The following HSPH1 variants were observed in gnomAD, a reference collection of about 807,000 sequenced individuals.
HSPH1 encodes the protein heat shock protein 105 kDa.
HSPH1 carries 40 observed loss-of-function variants against 100.0 expected under a neutral mutation model. The ratio of observed to expected loss-of-function variants is 0.40; its 90% CI spans 0.31 to 0.52. The LOEUF is 0.52. Ranked by LOEUF, HSPH1 falls within the 20% of genes least tolerant of loss-of-function variation. HSPH1 has a pLI of 0.54. For missense variants in HSPH1, 876 were observed against 1,015.1 expected (o/e 0.86, Z 1.86); for synonymous variants, 403 against 344.0 (o/e 1.17, Z -1.90).
chr13:31,150,650 C>T (rs1197331810), intron 7 of HSPH1, among the ~76,000 whole-genome samples: 1 of 152,172 alleles, frequency 6.6e-6, no homozygotes, highest in Non-Finnish European at 1.5e-5. Flanking sequence ...TGCACAGTAT[C>T]TCTGTGAAAC....
At chr13:31,141,573 C>A (rs767403354) in intron 12 of HSPH1, among the ~76,000 whole-genome samples, 4 of 151,976 alleles carry the variant, frequency 2.6e-5, no homozygotes, top group Non-Finnish European at 5.9e-5. Flanking sequence ...TCCCATGAGT[C>A]AAAAAGTGAA....
intron 1 of HSPH1, among the ~76,000 whole-genome samples, chr13:31,159,742 A>C (rs930835026): frequency 3.9e-5 from 6 of 152,160 alleles, no homozygotes; most frequent in African/African-American, 1.2e-4. Flanking sequence ...AAAACGGGAA[A>C]ATACTGAGGG....
chr13:31,161,170 C>T (rs1218454623), intron 1 of HSPH1, among the ~76,000 whole-genome samples: 1 of 152,152 alleles, frequency 6.6e-6, no homozygotes, highest in South Asian at 2.1e-4. Flanking sequence ...TGCCGCAGCC[C>T]GACCCCCAGT....
At chr13:31,152,013 C>T (rs867456749) in intron 5 of HSPH1, 13 of 326,302 alleles carry the variant, frequency 4.0e-5, no homozygotes, top group Middle Eastern at 8.9e-4. Context: ...AACATAACCA[C>T]GTATCACAGA....
chr13:31,161,925 C>A (rs1328501402), upstream of HSPH1: 11 of 1,522,306 alleles, frequency 7.2e-6, no homozygotes, highest in Non-Finnish European at 9.7e-6. Context: ...GTCCCACTTC[C>A]TCAGCCTTAT....
At chr13:31,147,913 TAA>T in intron 10 of HSPH1, 44 bp downstream of exon 10, 20 of 1,496,674 alleles carry the variant, frequency 1.3e-5, no homozygotes, top group Non-Finnish European at 1.8e-5. Context: ...AGTGAGAAGC[TAA>T]GTCTTTAACT....
chr13:31,150,832 G>GT (rs1389382077), intron 7 of HSPH1, 115 bp downstream of exon 7: 3 of 1,039,758 alleles, frequency 2.9e-6, no homozygotes, highest in South Asian at 1.6e-5. Context: ...CCACAGGCAT[G>GT]TAACACACAA....
chr13:31,138,320 G>A, intron 17 of HSPH1, 87 bp downstream of exon 17: 2 of 1,247,060 alleles, frequency 1.6e-6, no homozygotes, highest in Non-Finnish European at 1.1e-6. Flanking sequence ...AAGATTTACA[G>A]GAAAAATGGC....
upstream of HSPH1, chr13:31,162,079 CGGCCGCCGTTGCCATGGCAGCGACAG>C (rs1956946387): frequency 6.5e-7 from 1 of 1,536,018 alleles, no homozygotes. Context: ...CCCCGGAGAA[CGGCCGCCGTTGCCATGGCAGCGACAG>C]GGCCGCTCCC....
chr13:31,161,810 C>CG lies in HSPH1; in HGVS notation c.-229dup, dbSNP rs1689791262. 1 of 1,481,302 alleles carries CG rather than the reference C, an allele frequency of 6.8e-7. No individual in the cohort carries two copies. Among genetic ancestry groups the CG allele is most frequent in the South Asian group, 1.3e-5 (1 of 76,572 alleles). The allele number at this position is 1,481,302 out of a possible 1,614,324, so 91.8% of individuals were successfully genotyped here. A position where few individuals can be genotyped will look rare whatever the true frequency, so the allele number is the denominator to read the frequency against. ...GCTGATAAGAAACCCTGGGAGAAAG[C>CG]GGGGCTCAGCCTCCGCAGGTCGCTC... On this transcript the variant is annotated 5_prime_UTR_variant, in exon 1 of 18. Coordinates refer to ENST00000320027, the MANE Select transcript of HSPH1 (RefSeq NM_006644.4).
Position 31,154,747 on chromosome 13 carries a change from G to A in HSPH1, c.315C>T (p.Tyr105=). The A allele has an allele frequency of 1.2e-6, 2 of 1,613,016 alleles. No homozygotes were observed. Among genetic ancestry groups the A allele is most frequent in the South Asian group, 2.2e-5 (2 of 91,020 alleles). ...KNGGVGIKVM[Y]MGEEHLFSVE... Reference sequence around the variant, plus strand: ...CACTAAATAGATGTTCTTCACCCATGTACATTACCTATATTGAAGGGAAAA... The same window carrying A: ...CACTAAATAGATGTTCTTCACCCATATACATTACCTATATTGAAGGGAAAA... Residue 105 remains tyrosine, a synonymous_variant, in exon 4 of 18, where the codon TAC becomes TAT. Coordinates refer to ENST00000320027, the MANE Select transcript of HSPH1 (RefSeq NM_006644.4).
chr13:31,149,418 T>A (rs1956397673), intron 8 of HSPH1, among the ~76,000 whole-genome samples: 1 of 152,142 alleles, frequency 6.6e-6, no homozygotes, highest in Non-Finnish European at 1.5e-5. Flanking sequence ...TATAAACTAA[T>A]TATTTTCTTT....
intron 8 of HSPH1, among the ~76,000 whole-genome samples, chr13:31,149,599 A>C (rs1956405478): frequency 6.6e-6 from 1 of 152,174 alleles, no homozygotes; most frequent in African/African-American, 2.4e-5. Context: ...ACTTCCCCTA[A>C]ATCAATTCCT....
At chr13:31,151,307 T>C in intron 6 of HSPH1, 116 bp from the exon 7 acceptor site, 1 of 888,770 alleles carries the variant, frequency 1.1e-6, no homozygotes, top group Non-Finnish European at 1.7e-6. Context: ...TATATTTAAA[T>C]TATAACATGA....
chr13:31,158,806 C>G lies in HSPH1; in HGVS notation c.165G>C (p.Gln55His), dbSNP rs1188310383. The G allele has an allele frequency of 1.3e-6, 2 of 1,598,018 alleles. No homozygotes were observed. Among genetic ancestry groups the G allele is most frequent in the Non-Finnish European group, 1.7e-6 (2 of 1,165,562 alleles). The change falls in exon 2 of 18, where the codon CAG (glutamine) becomes CAC (histidine). Residue 55 changes from glutamine to histidine, a missense_variant and splice_region_variant. Physicochemically the swap from Gln to His is conservative, Grantham distance 24 (BLOSUM62 0). Coordinates refer to ENST00000320027, the MANE Select transcript of HSPH1 (RefSeq NM_006644.4). Reference protein sequence around the residue: ...NRTIGVAAKNQQITHANNTVS... With the variant: ...NRTIGVAAKNHQITHANNTVS... The stretch of plus-strand genomic sequence containing the variant: ...ATCCGAATTCTCTTAAAGAACATAC[C>G]TGATTTTTGGCTGCAACTCCGATTG...
At position 31,137,263 on chromosome 13, in the gene HSPH1, C is replaced by G; in HGVS notation, c.*55G>C. On this transcript the variant is annotated 3_prime_UTR_variant, in exon 18 of 18. Coordinates refer to ENST00000320027, the MANE Select transcript of HSPH1 (RefSeq NM_006644.4). Reference sequence around the variant, plus strand: ...AGTTTCAGTATGTTATGTAGAGTCACATACTATGGCAAAAATATTTTATTA... The same window carrying G: ...AGTTTCAGTATGTTATGTAGAGTCAGATACTATGGCAAAAATATTTTATTA... 1.8e-6 allele frequency: 2 copies of G among 1,082,842 alleles called. No individual in the cohort carries two copies. Among genetic ancestry groups the G allele is most frequent in the Non-Finnish European group, 2.8e-6 (2 of 719,014 alleles). 67.1% of individuals were successfully genotyped at this position (1,082,842 alleles called of 1,614,324 possible). A position where few individuals can be genotyped will look rare whatever the true frequency, so the allele number is the denominator to read the frequency against.
chr13:31,138,695 G>C (rs1955973439), intron 16 of HSPH1, 86 bp downstream of exon 16: 1 of 1,535,398 alleles, frequency 6.5e-7, no homozygotes. Flanking sequence ...TCAAAGTTAA[G>C]ACTATTCATG....
At chr13:31,154,484 T>G in intron 4 of HSPH1, 149 bp downstream of exon 4, 1 of 893,356 alleles carries the variant, frequency 1.1e-6, no homozygotes, top group Non-Finnish European at 1.8e-6. Flanking sequence ...CAAATCTACT[T>G]TGTAATGCTC....
chr13:31,151,740 C>CA lies in HSPH1; in HGVS notation c.531dup (p.Ala178CysfsTer8). The CA allele has an allele frequency of 6.3e-7, 1 of 1,599,052 alleles. No individual in the cohort carries two copies. The highest frequency in any genetic ancestry group is 8.5e-7 in the Non-Finnish European group (1 of 1,175,036). On this transcript the variant is annotated frameshift_variant and splice_region_variant, in exon 6 of 18. Coordinates refer to ENST00000320027, the MANE Select transcript of HSPH1 (RefSeq NM_006644.4). LOFTEE classifies it high-confidence loss of function. Reference sequence around the variant, plus strand: ...TGCTTATAAATTCCGTAATTCAAAGCAACTACAAAAAATAAGTATGTTTCA... The same window carrying CA: ...TGCTTATAAATTCCGTAATTCAAAGCAAACTACAAAAAATAAGTATGTTTCA...
Sources: allele counts gnomAD v4.1 joint callset (sites outside exome capture counted in the v4.1 genomes callset), GRCh38; gene constraint gnomAD v4.1.1; transcripts MANE v1.5; gene names NCBI Gene and HGNC (gene_info 2026-07-23, HGNC 2026-07-21).